ZMYND19: variants seen among roughly 807,000 people sequenced by gnomAD.
ZMYND19 encodes the protein zinc finger MYND domain-containing protein 19.
Under a neutral mutation model 32.0 loss-of-function variants are expected in ZMYND19, and 17 were observed. The observed-to-expected ratio is 0.53, with a 90% CI of 0.36 to 0.80. The LOEUF (loss-of-function observed/expected upper bound fraction) is 0.80, where lower values mean the gene tolerates loss of function less well. Among genes scored for constraint, ZMYND19 ranks in the 30% least tolerant of loss-of-function variants. The pLI, the probability that ZMYND19 is intolerant of heterozygous loss-of-function variation, is 0.00. For missense variants in ZMYND19, 250 were observed against 293.6 expected, an observed-to-expected ratio of 0.85 and a Z score of 1.09; for synonymous variants, 124 against 113.6, an observed-to-expected ratio of 1.09 and a Z score of -0.58.
intron 4 of ZMYND19, among the ~76,000 whole-genome samples, chr9:137,585,747 C>T (rs1842197241): frequency 6.6e-6 from 1 of 152,214 alleles, no homozygotes. Flanking sequence ...ACTGTTTCCA[C>T]CTCGGCTGCC....
rs1842256590 is a variant in ZMYND19, at chr9:137,590,163, G to A, written c.51+50C>T. ...GCACAACCGCCCCCGGCCCCGCGCG[G>A]AGGCCTGGACGGGCGAGACGGGCCG... On this transcript the variant is annotated intron_variant, in intron 1 of 5. Coordinates refer to ENST00000298585, the MANE Select transcript of ZMYND19 (RefSeq NM_138462.3). This position sits in a 1 kb window ranked among gnomAD's most constrained non-coding sequence, Gnocchi z 4.2. 1 of 958,058 alleles carries A rather than the reference G, an allele frequency of 1.0e-6. No individual in the cohort carries two copies. The highest frequency in any genetic ancestry group is 1.2e-6 in the Non-Finnish European group (1 of 830,878). The allele number at this position is 958,058 out of a possible 1,614,324, so 59.3% of individuals were successfully genotyped here.
chr9:137,586,276 G>A (rs922076402), intron 4 of ZMYND19, among the ~76,000 whole-genome samples: 12 of 149,950 alleles, frequency 8.0e-5, no homozygotes, highest in African/African-American at 3.0e-4. Context: ...AGGAGAGAAG[G>A]AAGGAATCCT....
chr9:137,587,795 T>C lies in ZMYND19; in HGVS notation c.140A>G (p.Asn47Ser), dbSNP rs1564491598. Residue 47 changes from asparagine (N) to serine (S), a missense_variant, in exon 3 of 6, where the codon AAT (asparagine) becomes AGT (serine). Asn to Ser is a conservative substitution (Grantham distance 46, BLOSUM62 1). Around this residue, in one of 2 missense-constraint regions of ZMYND19, gnomAD observed 212 missense variants for 218.8 expected, o/e 0.97. Coordinates refer to ENST00000298585, the MANE Select transcript of ZMYND19 (RefSeq NM_138462.3). ...EARMEVDADG[N>S]GAKIFAYAFD... The stretch of plus-strand genomic sequence containing the variant: ...GGCATAGGCAAATATCTTAGCACCA[T>C]TTCCATCTGCATCCACTTCCATTCG... The C allele has an allele frequency of 6.2e-7, 1 of 1,614,158 alleles. No homozygotes were observed. Among genetic ancestry groups the C allele is most frequent in the Non-Finnish European group, 8.5e-7 (1 of 1,180,008 alleles).
At chr9:137,589,705 G>T (rs1198215105) in intron 1 of ZMYND19, 1 of 985,376 alleles carries the variant, frequency 1.0e-6, no homozygotes, top group Non-Finnish European at 1.2e-6. Flanking sequence ...ACCCCTGGCA[G>T]CGTTAAAACG....
chr9:137,588,771 G>A, intron 1 of ZMYND19, 53 bp from the exon 2 acceptor site: 2 of 1,602,336 alleles, frequency 1.2e-6, no homozygotes, highest in South Asian at 1.1e-5. Flanking sequence ...TGCGTGAGGT[G>A]CAGTAACCTT....
chr9:137,588,942 G>T, intron 1 of ZMYND19: 1 of 540,496 alleles, frequency 1.9e-6, no homozygotes, highest in Non-Finnish European at 3.3e-6. Context: ...AAAGCCAGCT[G>T]CCCACTTTAG....
intron 4 of ZMYND19, among the ~76,000 whole-genome samples, chr9:137,586,267 G>A (rs1249318396): frequency 6.6e-6 from 1 of 151,544 alleles, no homozygotes; most frequent in African/African-American, 2.4e-5. Context: ...CCTGAGGTGA[G>A]GAGAGAAGGA....
chr9:137,585,178 T>C (rs1464636165), intron 4 of ZMYND19, among the ~76,000 whole-genome samples: 1 of 151,514 alleles, frequency 6.6e-6, no homozygotes, highest in Non-Finnish European at 1.5e-5. Context: ...ATCCCAGCAC[T>C]TTGGGAGGCT....
chr9:137,583,376 C>T (rs1588972220), intron 4 of ZMYND19, among the ~76,000 whole-genome samples: 1 of 152,194 alleles, frequency 6.6e-6, no homozygotes, highest in East Asian at 1.9e-4. Context: ...ATGGCCTCAT[C>T]TATCACCCTC....
intron 4 of ZMYND19, 41 bp downstream of exon 4, chr9:137,586,926 A>G (rs1403865287): frequency 6.2e-7 from 1 of 1,608,552 alleles, no homozygotes; most frequent in Non-Finnish European, 8.5e-7. Context: ...CCTCCTCAAA[A>G]GGCGCCTCTG....
At position 137,587,748 on chromosome 9, in the gene ZMYND19, C is replaced by T. The variant is rs1194090862; in HGVS notation, c.187G>A (p.Gly63Ser). ...AYAFDKNRGR[G>S]SGRLLHELLW... Reference sequence around the variant, plus strand: ...AGCTCATGAAGGAGTCTCCCAGAGCCCCTTCCTCGGTTCTTGTCAAAGGCA... The same window carrying T: ...AGCTCATGAAGGAGTCTCCCAGAGCTCCTTCCTCGGTTCTTGTCAAAGGCA... The change falls in exon 3 of 6, where the codon GGC becomes AGC. Residue 63 changes from glycine to serine, a missense_variant. By Grantham distance (56) the Gly-to-Ser change is moderately conservative (BLOSUM62 0). Around this residue, in one of 2 missense-constraint regions of ZMYND19, gnomAD observed 212 missense variants for 218.8 expected, o/e 0.97. Transcript: ENST00000298585. 6.2e-7 allele frequency: 1 copy of T among 1,614,172 alleles called. No individual in the cohort carries two copies. Among genetic ancestry groups the T allele is most frequent in the African/African-American group, 1.3e-5 (1 of 75,058 alleles).
At chr9:137,585,414 C>CAAAAAAAA (rs143309893) in intron 4 of ZMYND19, among the ~76,000 whole-genome samples, 2 of 84,650 alleles carry the variant, frequency 2.4e-5, no homozygotes, top group African/African-American at 8.1e-5. Flanking sequence ...GACTCCGTCT[C>CAAAAAAAA]AAAAAAAAAA....
In ZMYND19 at chr9:137,590,451, G is replaced by C. The variant is rs1842261065; in HGVS notation, c.-188C>G. Reference sequence around the variant, plus strand: ...CTCCGCCGCCGCCTCGCGCCCGCCGGACCTGCCACGCGCCGCCGCCGCCGC... The same window carrying C: ...CTCCGCCGCCGCCTCGCGCCCGCCGCACCTGCCACGCGCCGCCGCCGCCGC... On this transcript the variant is annotated 5_prime_UTR_variant, in exon 1 of 6. Coordinates refer to ENST00000298585, the MANE Select transcript of ZMYND19 (RefSeq NM_138462.3). The surrounding 1 kb of genome is among the most constrained non-coding windows in gnomAD (Gnocchi z 4.2). The C allele has an allele frequency of 1.0e-5, 2 of 193,028 alleles. No homozygotes were observed. Among genetic ancestry groups the C allele is most frequent in the Admixed American group, 1.4e-4 (2 of 14,762 alleles). 12.0% of individuals were successfully genotyped at this position (193,028 alleles called of 1,614,324 possible).
rs987780488 is a variant in ZMYND19 at position 137,590,067 on chromosome 9, G to C, written c.51+146C>G. ...CTGCACCCGCGCGGGGCCAGCAGCC[G>C]GGCCCGCGCAGCGTCCCCCGCCCCG... On this transcript the variant is annotated intron_variant, in intron 1 of 5. Transcript: ENST00000298585. This position sits in a 1 kb window ranked among gnomAD's most constrained non-coding sequence, Gnocchi z 4.2. The C allele has an allele frequency of 3.1e-6, 3 of 983,488 alleles. No homozygotes were observed. The highest frequency in any genetic ancestry group is 1.8e-5 in the African/African-American group (1 of 56,930). 60.9% of individuals were successfully genotyped at this position (983,488 alleles called of 1,614,324 possible).
At chr9:137,586,882 A>AGACCC in intron 4 of ZMYND19, 85 bp downstream of exon 4, 1 of 1,563,204 alleles carries the variant, frequency 6.4e-7, no homozygotes, top group Non-Finnish European at 8.7e-7. Context: ...GAGGAACAGG[A>AGACCC]GACCCTCTTG....
At chr9:137,587,438 G>A (rs1015582049) in intron 3 of ZMYND19, 3 of 517,448 alleles carry the variant, frequency 5.8e-6, no homozygotes, top group Admixed American at 4.1e-5. Context: ...ATGCACACCG[G>A]GGGGGCTCGG....
rs1337321576 is a variant in ZMYND19, at chr9:137,582,553, G to A, written c.674C>T (p.Pro225Leu). 1.2e-6 allele frequency: 2 copies of A among 1,612,746 alleles called. No homozygotes were observed. Among genetic ancestry groups the A allele is most frequent in the South Asian group, 1.1e-5 (1 of 91,032 alleles). The change falls in exon 6 of 6, where the codon CCA becomes CTA. Residue 225 changes from proline (P) to leucine (L), a missense_variant. Coordinates refer to ENST00000298585, the MANE Select transcript of ZMYND19 (RefSeq NM_138462.3). ...TGGCTCCCCTGCCCGTCATCGCTCT[G>A]GCTCAAGCTCATGCTGGAAGGGACG... ...RKRPFQHELE[P>L]ER
intron 4 of ZMYND19, among the ~76,000 whole-genome samples, chr9:137,585,060 G>C (rs533932280): frequency 6.6e-6 from 1 of 152,190 alleles, no homozygotes; most frequent in African/African-American, 2.4e-5. Flanking sequence ...GTATGAGGAA[G>C]GTCAAAACTC....
In ZMYND19 at chr9:137,583,053, A is replaced by G. The variant is rs1305900393; in HGVS notation, c.470T>C (p.Val157Ala). The G allele has an allele frequency of 1.9e-6, 3 of 1,614,190 alleles. No homozygotes were observed. The South Asian group carries it at 3.3e-5, about 18-fold the overall frequency. Residue 157 changes from valine to alanine, a missense_variant, in exon 5 of 6, where the codon GTG (valine) becomes GCG (alanine). Physicochemically the swap from Val to Ala is moderately conservative, Grantham distance 64 (BLOSUM62 0). Coordinates refer to ENST00000298585, the MANE Select transcript of ZMYND19 (RefSeq NM_138462.3). ...TRYYNANGDV[V>A]EEEENSCTYY... ...GGTGCAAGAGTTCTCCTCCTCTTCC[A>G]CTACATCCCCGTTGGCATTATAATA...
Sources: allele counts gnomAD v4.1 joint callset (sites outside exome capture counted in the v4.1 genomes callset), GRCh38; gene constraint gnomAD v4.1.1; regional missense constraint gnomAD v4.1.1; non-coding constraint Gnocchi (gnomAD v3.1); transcripts MANE v1.5; gene names NCBI Gene and HGNC (gene_info 2026-07-23, HGNC 2026-07-21).